The following PAK5 variants were observed in gnomAD, a reference collection of about 807,000 sequenced individuals.
PAK5 encodes the protein p21 (RAC1) activated kinase 5.
In PAK5, 16 loss-of-function variants were observed where a neutral mutation model predicts 65.9. The ratio of observed to expected loss-of-function variants is 0.24; its 90% CI spans 0.16 to 0.37. The LOEUF is 0.37. PAK5 is among the 10% of genes least tolerant of loss of function. The pLI is 1.00. For synonymous variants in PAK5, 371 were observed against 354.9 expected (o/e 1.05, Z -0.51); for missense variants, 785 against 903.9 (o/e 0.87, Z 1.69).
Position 9,610,550 on chromosome 20 carries a change from C to T in PAK5, c.205-29620G>A, listed in dbSNP as rs188113148. Among the ~76,000 whole-genome samples, 32 of 152,264 alleles carry T rather than the reference C, an allele frequency of 2.1e-4. 1 individual carries two copies. The East Asian group carries it at 5.2e-3, about 25-fold the overall frequency. On this transcript the variant is annotated intron_variant, in intron 3 of 9. Transcript: ENST00000353224. ...AGCCAAATAGCAAACAAGGGATGTACCTGATGCTTGAATTAACAAATAGGC... is the reference window on the plus strand; with the variant it reads ...AGCCAAATAGCAAACAAGGGATGTATCTGATGCTTGAATTAACAAATAGGC...
chr20:9,755,387 T>A (rs969420475), intron 1 of PAK5, among the ~76,000 whole-genome samples: 9 of 152,192 alleles, frequency 5.9e-5, no homozygotes, highest in Admixed American at 5.2e-4. Context: ...AAAACAGACT[T>A]AATTAATAGA....
intron 1 of PAK5, among the ~76,000 whole-genome samples, chr20:9,797,603 A>G (rs2049119766): frequency 6.6e-6 from 1 of 151,872 alleles, no homozygotes; most frequent in Non-Finnish European, 1.5e-5. Flanking sequence ...TAGGTAACAA[A>G]CTTGCCCGTT....
intron 2 of PAK5, among the ~76,000 whole-genome samples, chr20:9,653,515 T>C (rs1299719090): frequency 6.6e-6 from 1 of 152,210 alleles, no homozygotes; most frequent in African/African-American, 2.4e-5. Context: ...TCAATCCTTA[T>C]ATAGATAGCA....
At chr20:9,553,074 T>C (rs2045453864) in intron 7 of PAK5, among the ~76,000 whole-genome samples, 1 of 152,144 alleles carries the variant, frequency 6.6e-6, no homozygotes, top group East Asian at 1.9e-4. Context: ...AGTTGCAACG[T>C]GCACCCGTCT....
intron 9 of PAK5, among the ~76,000 whole-genome samples, chr20:9,540,612 C>A (rs2045245886): frequency 6.6e-6 from 1 of 152,206 alleles, no homozygotes. Context: ...ATTTGGGAAA[C>A]AACCTCGGAC....
chr20:9,658,847 T>A (rs2047305742), intron 2 of PAK5, among the ~76,000 whole-genome samples: 1 of 152,192 alleles, frequency 6.6e-6, no homozygotes, highest in South Asian at 2.1e-4. Context: ...CACAAGCTCA[T>A]GTGAGCCAGC....
At chr20:9,821,858 A>G (rs1235152069) in intron 1 of PAK5, among the ~76,000 whole-genome samples, 1 of 152,192 alleles carries the variant, frequency 6.6e-6, no homozygotes. Context: ...ATTTTGTATT[A>G]TATATTCTCC....
chr20:9,683,774 A>C (rs1195301532), intron 2 of PAK5, among the ~76,000 whole-genome samples: 3 of 152,036 alleles, frequency 2.0e-5, no homozygotes, highest in African/African-American at 7.3e-5. Flanking sequence ...GCAGGTGTGC[A>C]GTAGTGTGAT....
At chr20:9,670,532 G>A (rs1207773948) in intron 2 of PAK5, among the ~76,000 whole-genome samples, 1 of 152,154 alleles carries the variant, frequency 6.6e-6, no homozygotes, top group Non-Finnish European at 1.5e-5. Flanking sequence ...GTGATGATGA[G>A]CATTTTTTCA....
At chr20:9,758,684 C>T (rs1468513427) in intron 1 of PAK5, among the ~76,000 whole-genome samples, 1 of 152,182 alleles carries the variant, frequency 6.6e-6, no homozygotes, top group African/African-American at 2.4e-5. Flanking sequence ...GGCTTTCCCC[C>T]TTGGAGTCTA....
At chr20:9,540,255 T>TA (rs2045239571) in intron 9 of PAK5, among the ~76,000 whole-genome samples, 1 of 152,204 alleles carries the variant, frequency 6.6e-6, no homozygotes, top group Non-Finnish European at 1.5e-5. Context: ...GCTGCACAAA[T>TA]ACTAAGAGTG....
intron 3 of PAK5, 96 bp downstream of exon 3, chr20:9,644,029 G>T: frequency 1.2e-6 from 1 of 851,162 alleles, no homozygotes; most frequent in East Asian, 2.5e-5. Context: ...AAAATATGTG[G>T]TTTAGGCATT....
intron 3 of PAK5, among the ~76,000 whole-genome samples, chr20:9,588,834 T>C (rs924034525): frequency 2.6e-5 from 4 of 152,182 alleles, no homozygotes; most frequent in Admixed American, 1.3e-4. Context: ...TGGTGCTCAT[T>C]GTCTTTCCAT....
At chr20:9,779,192 CCT>C (rs761439695) in intron 1 of PAK5, among the ~76,000 whole-genome samples, 22 of 152,006 alleles carry the variant, frequency 1.4e-4, no homozygotes, top group Non-Finnish European at 2.2e-4. Context: ...ACAAAGGAAA[CCT>C]CTTCTTTTTA....
intron 1 of PAK5, among the ~76,000 whole-genome samples, chr20:9,822,709 C>T (rs183550436): frequency 2.5e-4 from 38 of 152,350 alleles, no homozygotes; most frequent in Admixed American, 7.8e-4. Context: ...TGTAGCAAGC[C>T]TTATTAGTAT....
chr20:9,656,658 T>A (rs1045857932), intron 2 of PAK5, among the ~76,000 whole-genome samples: 1 of 152,162 alleles, frequency 6.6e-6, no homozygotes, highest in African/African-American at 2.4e-5. Context: ...ATGGGGCAAA[T>A]TACTTAATCT....
At chr20:9,684,072 C>G (rs1033261551) in intron 2 of PAK5, among the ~76,000 whole-genome samples, 2 of 152,182 alleles carry the variant, frequency 1.3e-5, no homozygotes, top group African/African-American at 4.8e-5. Flanking sequence ...AAGAACCAGT[C>G]CCATTGGACT....
At chr20:9,743,920 T>C (rs1408044215) in intron 1 of PAK5, among the ~76,000 whole-genome samples, 2 of 152,180 alleles carry the variant, frequency 1.3e-5, no homozygotes, top group South Asian at 2.1e-4. Flanking sequence ...TCCTGGATTA[T>C]CCAGGTGTAC....
At chr20:9,613,356 C>A (rs2046598585) in intron 3 of PAK5, among the ~76,000 whole-genome samples, 1 of 152,186 alleles carries the variant, frequency 6.6e-6, no homozygotes, top group Non-Finnish European at 1.5e-5. Flanking sequence ...AGCAGAAACC[C>A]ACAGGCAGAA....
Sources: allele counts gnomAD v4.1 joint callset (sites outside exome capture counted in the v4.1 genomes callset), GRCh38; gene constraint gnomAD v4.1.1; transcripts MANE v1.5; gene names NCBI Gene and HGNC (gene_info 2026-07-23, HGNC 2026-07-21).